CNTN1: variants seen among roughly 807,000 people sequenced by gnomAD.
CNTN1 encodes contactin-1.
CNTN1 carries 38 observed loss-of-function variants against 126.4 expected under a neutral mutation model. That is an observed-to-expected ratio of 0.30 (90% CI 0.23 to 0.39). The LOEUF is 0.39. CNTN1 is among the 10% of genes least tolerant of loss of function. The probability of loss-of-function intolerance (pLI) is 1.00; values close to 1 mark genes in which losing one functional copy is unlikely to be tolerated. For synonymous variants in CNTN1, 413 were observed against 422.6 expected (o/e 0.98, Z 0.28); for missense variants, 1,009 against 1,248.4 (o/e 0.81, Z 2.89).
At chr12:40,936,169 C>G (rs187620522) in intron 9 of CNTN1, among the ~76,000 whole-genome samples, 1 of 151,982 alleles carries the variant, frequency 6.6e-6, no homozygotes, top group Non-Finnish European at 1.5e-5. Flanking sequence ...CTTTAGCTAT[C>G]AAGTAGATCA....
chr12:40,928,175 G>T (rs1945760113), intron 6 of CNTN1, among the ~76,000 whole-genome samples: 1 of 152,146 alleles, frequency 6.6e-6, no homozygotes, highest in African/African-American at 2.4e-5. Flanking sequence ...GGCAGGGGGA[G>T]TGGGGATTTA....
intron 23 of CNTN1, among the ~76,000 whole-genome samples, chr12:41,062,416 T>G (rs983468855): frequency 1.3e-5 from 2 of 152,234 alleles, no homozygotes; most frequent in African/African-American, 4.8e-5. Flanking sequence ...GTACAACTTT[T>G]CTACCTTACA....
At chr12:40,971,612 C>T (rs927155695) in intron 15 of CNTN1, 13 of 1,510,948 alleles carry the variant, frequency 8.6e-6, no homozygotes, top group African/African-American at 8.4e-5. Context: ...GTTCTCCCCA[C>T]CCCCAACCTA....
intron 20 of CNTN1, among the ~76,000 whole-genome samples, chr12:41,021,819 T>C (rs1948920141): frequency 6.6e-6 from 1 of 152,012 alleles, no homozygotes; most frequent in South Asian, 2.1e-4. Context: ...TTGCGGCTAG[T>C]AGGAAAGAGA....
intron 17 of CNTN1, among the ~76,000 whole-genome samples, chr12:41,011,244 T>G (rs1415896893): frequency 6.6e-6 from 1 of 152,170 alleles, no homozygotes; most frequent in Non-Finnish European, 1.5e-5. Flanking sequence ...GCTTTTCTAG[T>G]CTTAGGGAAT....
chr12:40,905,175 C>A (rs1944763775), intron 1 of CNTN1, among the ~76,000 whole-genome samples: 1 of 152,164 alleles, frequency 6.6e-6, no homozygotes, highest in Non-Finnish European at 1.5e-5. Context: ...TGAGAAGGAA[C>A]TGTTAAATTA....
intron 1 of CNTN1, among the ~76,000 whole-genome samples, chr12:40,866,624 G>A (rs1213008239): frequency 6.6e-6 from 1 of 151,902 alleles, no homozygotes; most frequent in Non-Finnish European, 1.5e-5. Flanking sequence ...TTGATTTTTG[G>A]ATTTTAAACT....
intron 1 of CNTN1, among the ~76,000 whole-genome samples, chr12:40,737,359 GTA>G (rs57273919): frequency 1.2e-3 from 137 of 113,270 alleles, no homozygotes; most frequent in African/African-American, 4.3e-3. Flanking sequence ...ATGTGTGTGT[GTA>G]TATATATATA....
At chr12:40,845,526 T>A (rs1045819110) in intron 1 of CNTN1, among the ~76,000 whole-genome samples, 1 of 152,120 alleles carries the variant, frequency 6.6e-6, no homozygotes, top group African/African-American at 2.4e-5. Context: ...AAATAAAAAA[T>A]GCCATCACAT....
At chr12:40,889,139 C>T (rs1944155789) in intron 1 of CNTN1, among the ~76,000 whole-genome samples, 1 of 152,184 alleles carries the variant, frequency 6.6e-6, no homozygotes, top group Non-Finnish European at 1.5e-5. Context: ...CACTTCCTAT[C>T]TGTATACCTG....
intron 1 of CNTN1, among the ~76,000 whole-genome samples, chr12:40,783,626 C>G (rs1465472483): frequency 6.6e-6 from 1 of 152,054 alleles, no homozygotes; most frequent in Non-Finnish European, 1.5e-5. Context: ...TATCACCATT[C>G]CAGTAACAAT....
intron 1 of CNTN1, among the ~76,000 whole-genome samples, chr12:40,904,632 G>T (rs374719265): frequency 2.0e-5 from 3 of 152,066 alleles, no homozygotes; most frequent in East Asian, 1.9e-4. Context: ...GTTTCATTAT[G>T]TTGGCCAGGC....
chr12:40,816,367 G>A (rs1941255780), intron 1 of CNTN1, among the ~76,000 whole-genome samples: 1 of 152,050 alleles, frequency 6.6e-6, no homozygotes, highest in Non-Finnish European at 1.5e-5. Context: ...ATTCTTCCTG[G>A]TTTAGTCCTG....
chr12:40,962,372 C>A (rs193009301), intron 15 of CNTN1, among the ~76,000 whole-genome samples: 2 of 152,124 alleles, frequency 1.3e-5, no homozygotes, highest in Admixed American at 6.6e-5. Flanking sequence ...TAATTTATTC[C>A]TTGCCTTTTT....
chr12:41,042,548 G>C (rs542244303), intron 23 of CNTN1, among the ~76,000 whole-genome samples: 1 of 152,022 alleles, frequency 6.6e-6, no homozygotes, highest in Non-Finnish European at 1.5e-5. Flanking sequence ...TTGTGTGGGA[G>C]TCTAAGTCTC....
chr12:40,908,293 C>A, intron 1 of CNTN1, 64 bp from the exon 2 acceptor site: 2 of 619,786 alleles, frequency 3.2e-6, no homozygotes, highest in South Asian at 4.0e-5. Flanking sequence ...CTCCTCCTCT[C>A]CCCTTCCTTC....
At chr12:41,045,956 TAAG>T (rs1387838171) in intron 23 of CNTN1, among the ~76,000 whole-genome samples, 1 of 151,938 alleles carries the variant, frequency 6.6e-6, no homozygotes, top group Non-Finnish European at 1.5e-5. Flanking sequence ...CCAGGAGAAG[TAAG>T]AAGAGTGAAG....
chr12:41,030,499 C>T (rs149499583), intron 23 of CNTN1, among the ~76,000 whole-genome samples: 1 of 152,128 alleles, frequency 6.6e-6, no homozygotes, highest in Non-Finnish European at 1.5e-5. Flanking sequence ...CCTAAAATAG[C>T]TACTGTTAAT....
chr12:40,694,443 T>C (rs1941395364), intron 1 of CNTN1, among the ~76,000 whole-genome samples: 1 of 152,200 alleles, frequency 6.6e-6, no homozygotes, highest in African/African-American at 2.4e-5. Context: ...CACAAGTGAT[T>C]GGTTGAAAGT....
Sources: gnomAD v4.1 joint callset for allele counts (sites outside exome capture counted in the v4.1 genomes callset) on GRCh38, gnomAD v4.1.1 for gene constraint, MANE v1.5 for transcripts, NCBI Gene and HGNC (gene_info 2026-07-23, HGNC 2026-07-21) for gene names.